CSMD1: variants seen among roughly 807,000 people sequenced by gnomAD.
CSMD1 encodes the protein CUB and Sushi multiple domains 1.
A neutral mutation model predicts 417.5 loss-of-function variants in CSMD1; 213 were observed. That is an observed-to-expected ratio of 0.51 (90% CI 0.46 to 0.57). The LOEUF is 0.57. Ranked by LOEUF, CSMD1 falls within the 20% of genes least tolerant of loss-of-function variation. CSMD1 has a pLI of 0.00. For missense variants in CSMD1, 6,923 were observed against 4,529.7 expected (o/e 1.53, Z -15.17); for synonymous variants, 2,862 against 1,736.8 (o/e 1.65, Z -16.11).
At chr8:3,747,591 C>T (rs988329145) in intron 6 of CSMD1, among the ~76,000 whole-genome samples, 2 of 151,520 alleles carry the variant, frequency 1.3e-5, no homozygotes, top group East Asian at 1.9e-4. Context: ...TTTATTACTT[C>T]TATGGTTAAT....
intron 10 of CSMD1, among the ~76,000 whole-genome samples, chr8:3,565,087 T>C (rs12681227): frequency 0.54 from 56,788 of 105,458 alleles, 12,193 homozygotes; most frequent in Middle Eastern, 0.65. Context: ...TTAAAATAAA[T>C]ATTGAAAAAA....
chr8:4,722,074 A>C (rs1016262520), intron 1 of CSMD1, among the ~76,000 whole-genome samples: 1 of 152,178 alleles, frequency 6.6e-6, no homozygotes, highest in Admixed American at 6.6e-5. Flanking sequence ...AGGATGAATA[A>C]GTCAAGAAAT....
At chr8:4,163,362 G>A (rs1012681278) in intron 3 of CSMD1, among the ~76,000 whole-genome samples, 1 of 152,132 alleles carries the variant, frequency 6.6e-6, no homozygotes, top group African/African-American at 2.4e-5. Context: ...CCATAACTCA[G>A]AGTTATTTTA....
At chr8:3,999,989 G>A (rs1431747529) in intron 4 of CSMD1, among the ~76,000 whole-genome samples, 1 of 152,220 alleles carries the variant, frequency 6.6e-6, no homozygotes, top group East Asian at 1.9e-4. Flanking sequence ...TACCACGGTA[G>A]TGTTTCCTTT....
chr8:3,568,119 A>T (rs1256660351), intron 10 of CSMD1, among the ~76,000 whole-genome samples: 1 of 152,176 alleles, frequency 6.6e-6, no homozygotes, highest in Non-Finnish European at 1.5e-5. Context: ...TATATAATAA[A>T]ACAAACTTAT....
At chr8:4,686,585 C>A (rs899145546) in intron 1 of CSMD1, among the ~76,000 whole-genome samples, 1 of 152,240 alleles carries the variant, frequency 6.6e-6, no homozygotes, top group African/African-American at 2.4e-5. Flanking sequence ...ATCACAAGTC[C>A]TTCGTCCAGT....
chr8:3,287,751 G>T (rs1239609615), intron 25 of CSMD1, among the ~76,000 whole-genome samples: 1 of 152,214 alleles, frequency 6.6e-6, no homozygotes, highest in South Asian at 2.1e-4. Context: ...TCTGCCAACA[G>T]GGACAATTTG....
At chr8:3,064,289 T>C (rs996414725) in intron 49 of CSMD1, among the ~76,000 whole-genome samples, 13 of 152,200 alleles carry the variant, frequency 8.5e-5, no homozygotes, top group African/African-American at 2.7e-4. Context: ...GGGAGGTGAC[T>C]GGATCATGAA....
At chr8:3,985,753 GTGA>G in intron 5 of CSMD1, among the ~76,000 whole-genome samples, 1 of 86,902 alleles carries the variant, frequency 1.2e-5, no homozygotes, top group Non-Finnish European at 2.1e-5. Context: ...AAATGTTAAA[GTGA>G]TTTTTTTTTT....
chr8:4,100,985 C>A (rs925074607), intron 3 of CSMD1, among the ~76,000 whole-genome samples: 4 of 152,170 alleles, frequency 2.6e-5, no homozygotes, highest in Non-Finnish European at 4.4e-5. Context: ...ATACTGAAAT[C>A]TGAACTGCGT....
intron 1 of CSMD1, among the ~76,000 whole-genome samples, chr8:4,669,126 T>A (rs1311447281): frequency 6.6e-6 from 1 of 152,206 alleles, no homozygotes; most frequent in Non-Finnish European, 1.5e-5. Flanking sequence ...GCATTTGGCA[T>A]GTGTTTTCTC....
intron 1 of CSMD1, among the ~76,000 whole-genome samples, chr8:4,775,200 T>C (rs1796787534): frequency 6.6e-6 from 1 of 152,228 alleles, no homozygotes; most frequent in East Asian, 1.9e-4. Flanking sequence ...TGATTATTTT[T>C]TTCTGATTGT....
At chr8:4,124,055 C>A (rs1238206039) in intron 3 of CSMD1, among the ~76,000 whole-genome samples, 1 of 151,822 alleles carries the variant, frequency 6.6e-6, no homozygotes, top group African/African-American at 2.4e-5. Flanking sequence ...GAACGACATT[C>A]CCAACACACA....
chr8:4,552,025 C>T (rs1047721037), intron 2 of CSMD1, among the ~76,000 whole-genome samples: 3 of 151,990 alleles, frequency 2.0e-5, no homozygotes, highest in African/African-American at 7.2e-5. Flanking sequence ...CTAGAAGTAG[C>T]TTTAACAGTT....
At position 4,043,798 on chromosome 8, in the gene CSMD1, A is replaced by C. The variant is rs375906224; in HGVS notation, c.416-11699T>G. Among the ~76,000 whole-genome samples the C allele has an allele frequency of 2.2e-3, 329 of 152,286 alleles. 2 individuals are homozygous for C. The highest frequency in any genetic ancestry group is 6.8e-3 in the Middle Eastern group (2 of 294). On this transcript the variant is annotated intron_variant, in intron 3 of 69. Transcript: ENST00000635120. ...TGGAACGCTTTATATATGGTATTTC[A>C]AACCTTACACGTCTCCAAATGAGGC...
chr8:4,430,253 A>G (rs1374528564), intron 2 of CSMD1, among the ~76,000 whole-genome samples: 1 of 151,918 alleles, frequency 6.6e-6, no homozygotes, highest in African/African-American at 2.4e-5. Flanking sequence ...TCGGAGAAGA[A>G]ATTTTCTAAA....
chr8:3,549,464 T>C (rs1798817476), intron 10 of CSMD1, among the ~76,000 whole-genome samples: 1 of 152,186 alleles, frequency 6.6e-6, no homozygotes, highest in African/African-American at 2.4e-5. Flanking sequence ...CAGCCCCTCA[T>C]GTCGCAGCAG....
chr8:4,702,653 T>C (rs1055784412), intron 1 of CSMD1, among the ~76,000 whole-genome samples: 1 of 152,152 alleles, frequency 6.6e-6, no homozygotes, highest in Non-Finnish European at 1.5e-5. Context: ...AATAAACGTT[T>C]CCAAGAAACA....
At chr8:3,523,462 T>G (rs1005584173) in intron 10 of CSMD1, among the ~76,000 whole-genome samples, 70 of 152,238 alleles carry the variant, frequency 4.6e-4, no homozygotes, top group African/African-American at 1.6e-3. Flanking sequence ...ATAAGGTGCC[T>G]AAAGTCCAAT....
Sources: gnomAD v4.1 joint callset for allele counts (sites outside exome capture counted in the v4.1 genomes callset) on GRCh38, gnomAD v4.1.1 for gene constraint, MANE v1.5 for transcripts, NCBI Gene and HGNC (gene_info 2026-07-23, HGNC 2026-07-21) for gene names.